Variants in COL24A1 observed in about 807,000 individuals in gnomAD.
COL24A1 encodes collagen type XXIV alpha 1 chain, also known as collagen alpha-1(XXIV) chain.
A neutral mutation model predicts 253.9 loss-of-function variants in COL24A1; 224 were observed. That is an observed-to-expected ratio of 0.88 (90% CI 0.79 to 0.99). The LOEUF (loss-of-function observed/expected upper bound fraction) is 0.99, where lower values mean the gene tolerates loss of function less well. Ranked by LOEUF, COL24A1 falls within the 50% of genes least tolerant of loss-of-function variation. The probability of loss-of-function intolerance (pLI) is 0.00; values close to 1 mark genes in which losing one functional copy is unlikely to be tolerated. For synonymous variants in COL24A1, 685 were observed against 673.7 expected, an observed-to-expected ratio of 1.02 and a Z score of -0.26; for missense variants, 2,131 against 2,068.5, an observed-to-expected ratio of 1.03 and a Z score of -0.59.
intron 11 of COL24A1, among the ~76,000 whole-genome samples, chr1:86,048,786 G>A (rs956755615): frequency 3.3e-5 from 5 of 152,212 alleles, no homozygotes; most frequent in East Asian, 1.9e-4. Flanking sequence ...CACTGTGCCC[G>A]GCCAGGTCTT....
At chr1:86,108,645 AAAAAAT>A (rs1182096396) in intron 5 of COL24A1, among the ~76,000 whole-genome samples, 67 of 116,160 alleles carry the variant, frequency 5.8e-4, no homozygotes, top group South Asian at 1.5e-3. Flanking sequence ...AAAAAAAAAA[AAAAAAT>A]TTTAAATTAG....
intron 22 of COL24A1, among the ~76,000 whole-genome samples, chr1:85,966,924 A>T (rs996754402): frequency 6.6e-6 from 1 of 152,170 alleles, no homozygotes; most frequent in Non-Finnish European, 1.5e-5. Context: ...TGACACCAAA[A>T]AAGTTTTGTT....
At chr1:85,925,962 T>G (rs1571247854) in intron 24 of COL24A1, among the ~76,000 whole-genome samples, 1 of 151,900 alleles carries the variant, frequency 6.6e-6, no homozygotes, top group East Asian at 1.9e-4. Context: ...ACAAAGAACT[T>G]AAACAAATTT....
At chr1:86,013,051 T>A (rs1696665942) in intron 19 of COL24A1, among the ~76,000 whole-genome samples, 1 of 152,160 alleles carries the variant, frequency 6.6e-6, no homozygotes, top group Admixed American at 6.5e-5. Flanking sequence ...ATAAAACAAC[T>A]TTATGAGGTT....
chr1:85,924,392 C>T (rs1406539955), intron 24 of COL24A1, among the ~76,000 whole-genome samples: 1 of 152,154 alleles, frequency 6.6e-6, no homozygotes, highest in Non-Finnish European at 1.5e-5. Flanking sequence ...GACCAATATC[C>T]CTGATGAACA....
chr1:85,800,081 C>T (rs950482161), intron 47 of COL24A1, among the ~76,000 whole-genome samples: 1 of 152,162 alleles, frequency 6.6e-6, no homozygotes, highest in Admixed American at 6.5e-5. Context: ...ATTAGAGTAA[C>T]TTAGGAAGAG....
intron 55 of COL24A1, among the ~76,000 whole-genome samples, chr1:85,760,335 A>C (rs1021088557): frequency 6.6e-6 from 1 of 152,150 alleles, no homozygotes; most frequent in Admixed American, 6.6e-5. Flanking sequence ...ACAAGCCACC[A>C]TGCCCGGCCG....
chr1:86,068,902 A>G (rs1262488052), intron 7 of COL24A1, among the ~76,000 whole-genome samples: 1 of 152,082 alleles, frequency 6.6e-6, no homozygotes, highest in African/African-American at 2.4e-5. Flanking sequence ...TTTGAAGGGA[A>G]GGGTCTAGTA....
At chr1:85,774,104 A>G (rs573639665) in intron 53 of COL24A1, among the ~76,000 whole-genome samples, 8 of 152,060 alleles carry the variant, frequency 5.3e-5, no homozygotes, top group African/African-American at 1.7e-4. Flanking sequence ...TGTCGAAGGC[A>G]TTTTCTGCAT....
chr1:86,024,396 AT>A (rs1160314969), intron 14 of COL24A1, among the ~76,000 whole-genome samples: 3 of 152,172 alleles, frequency 2.0e-5, no homozygotes, highest in Admixed American at 2.0e-4. Flanking sequence ...AAAGTGTAGA[AT>A]GAATACTGAA....
intron 35 of COL24A1, among the ~76,000 whole-genome samples, chr1:85,871,927 A>G (rs1680549965): frequency 6.6e-6 from 1 of 152,216 alleles, no homozygotes; most frequent in Non-Finnish European, 1.5e-5. Context: ...TGCAGATGAC[A>G]TGATTGTATA....
chr1:85,957,750 C>A (rs1457208679), intron 24 of COL24A1, among the ~76,000 whole-genome samples: 1 of 152,214 alleles, frequency 6.6e-6, no homozygotes, highest in Non-Finnish European at 1.5e-5. Flanking sequence ...CTCTTTACAG[C>A]CATGCTTCCC....
chr1:85,976,655 T>TATCC (rs1692715162), intron 20 of COL24A1, among the ~76,000 whole-genome samples: 2 of 152,202 alleles, frequency 1.3e-5, no homozygotes, highest in Admixed American at 1.3e-4. Flanking sequence ...GGCAAGCTTA[T>TATCC]ATCCCCCTTC....
At chr1:85,754,380 AC>A (rs1321711812) in intron 55 of COL24A1, among the ~76,000 whole-genome samples, 41 of 80,158 alleles carry the variant, frequency 5.1e-4, no homozygotes, top group African/African-American at 1.8e-3. Flanking sequence ...CACTCTGGGG[AC>A]TGTGGTGGGG....
intron 24 of COL24A1, among the ~76,000 whole-genome samples, chr1:85,958,978 C>G (rs1281752059): frequency 1.3e-5 from 2 of 152,108 alleles, no homozygotes; most frequent in African/African-American, 4.8e-5. Context: ...TGAATTCTAA[C>G]TGGTATAAAT....
chr1:85,933,379 C>T (rs1451633464), intron 24 of COL24A1, among the ~76,000 whole-genome samples: 1 of 150,538 alleles, frequency 6.6e-6, no homozygotes, highest in Non-Finnish European at 1.5e-5. Flanking sequence ...TTTTAACACA[C>T]TATTATTATG....
chr1:85,770,332 C>T (rs1416648965), intron 53 of COL24A1, among the ~76,000 whole-genome samples: 3 of 151,780 alleles, frequency 2.0e-5, no homozygotes, highest in Non-Finnish European at 4.4e-5. Context: ...TCAGCTGTGA[C>T]TATGTAATCT....
rs201495212 is a variant in COL24A1, at chr1:85,875,287, G to A, written c.3074C>T (p.Pro1025Leu). The change falls in exon 34 of 60, where the codon CCA becomes CTA. Residue 1025 changes from proline to leucine, a missense_variant. Transcript: ENST00000370571. ...TEGESGLQGE[P>L]GAKGDVGTAG... Reference sequence around the variant, plus strand: ...TTTTTAGAAGGTTACCTTTGCACCTGGTTCACCTTGCAGACCAGACTCTCC... The same window carrying A: ...TTTTTAGAAGGTTACCTTTGCACCTAGTTCACCTTGCAGACCAGACTCTCC... 1 of 1,613,596 alleles carries A rather than the reference G, an allele frequency of 6.2e-7. No homozygotes were observed. The highest frequency in any genetic ancestry group is 1.7e-5 in the Admixed American group (1 of 59,942).
intron 47 of COL24A1, among the ~76,000 whole-genome samples, chr1:85,795,681 G>A (rs1310121918): frequency 1.3e-5 from 2 of 151,864 alleles, no homozygotes; most frequent in Admixed American, 1.3e-4. Context: ...CACCTTATGT[G>A]TACAGAGCAT....
Sources: allele counts gnomAD v4.1 joint callset (sites outside exome capture counted in the v4.1 genomes callset), GRCh38; gene constraint gnomAD v4.1.1; transcripts MANE v1.5; gene names NCBI Gene and HGNC (gene_info 2026-07-23, HGNC 2026-07-21).